The following DNAJC13 variants were observed in gnomAD, a reference collection of about 807,000 sequenced individuals.
The protein encoded by DNAJC13 is dnaJ homolog subfamily C member 13.
DNAJC13 carries 75 observed loss-of-function variants against 290.5 expected under a neutral mutation model. That is an observed-to-expected ratio of 0.26 (90% CI 0.21 to 0.31). The LOEUF (loss-of-function observed/expected upper bound fraction) is 0.31. Ranked by LOEUF, DNAJC13 falls within the 10% of genes least tolerant of loss-of-function variation. The probability of loss-of-function intolerance (pLI) is 1.00; values close to 1 mark genes in which losing one functional copy is unlikely to be tolerated. For missense variants in DNAJC13, 2,260 were observed against 2,674.5 expected, an observed-to-expected ratio of 0.85 and a Z score of 3.42; for synonymous variants, 862 against 892.0, an observed-to-expected ratio of 0.97 and a Z score of 0.60.
intron 20 of DNAJC13, among the ~76,000 whole-genome samples, chr3:132,471,266 G>A (rs1286897302): frequency 6.4e-5 from 9 of 140,044 alleles, no homozygotes; most frequent in East Asian, 2.2e-4. Flanking sequence ...CCTCCCTCCC[G>A]GATGGCACGG....
chr3:132,494,105 G>C, intron 33 of DNAJC13, 39 bp from the exon 34 acceptor site: 1 of 1,340,764 alleles, frequency 7.5e-7, no homozygotes. Context: ...CTCTGAAATA[G>C]TTTTACTTTG....
At chr3:132,443,524 C>T (rs1933142119) in intron 2 of DNAJC13, among the ~76,000 whole-genome samples, 3 of 152,172 alleles carry the variant, frequency 2.0e-5, no homozygotes, top group African/African-American at 7.2e-5. Flanking sequence ...ATATTTTCAT[C>T]TCTAAATCTG....
chr3:132,526,014 G>A, intron 52 of DNAJC13, 127 bp from the exon 53 acceptor site: 2 of 1,342,216 alleles, frequency 1.5e-6, no homozygotes, highest in Non-Finnish European at 2.0e-6. Context: ...ATTAAATTTG[G>A]TTCAATTCAT....
chr3:132,431,455 GA>G (rs1223100745), intron 1 of DNAJC13, among the ~76,000 whole-genome samples: 28 of 152,206 alleles, frequency 1.8e-4, no homozygotes, highest in African/African-American at 6.7e-4. Context: ...TTGGAAAGGT[GA>G]CATTTGAACA....
Position 132,478,084 on chromosome 3 carries a change from C to T in DNAJC13, c.2653C>T (p.His885Tyr), listed in dbSNP as rs759978583. 3.1e-6 allele frequency: 5 copies of T among 1,613,216 alleles called. No homozygotes were observed. The highest frequency in any genetic ancestry group is 2.5e-6 in the Non-Finnish European group (3 of 1,179,786). Residue 885 changes from histidine (H) to tyrosine (Y), a missense_variant, in exon 24 of 56, where the codon CAC (histidine) becomes TAC (tyrosine). Physicochemically the swap from His to Tyr is moderately conservative, Grantham distance 83 (BLOSUM62 2). Coordinates refer to ENST00000260818, the MANE Select transcript of DNAJC13 (RefSeq NM_015268.4). Reference sequence around the variant, plus strand: ...CCTTGCTATTGTTTATGGCAGATGTCACGAAGAAATAGGACCTTTTACAGA... The same window carrying T: ...CCTTGCTATTGTTTATGGCAGATGTTACGAAGAAATAGGACCTTTTACAGA... ...QALAIVYGRC[H>Y]EEIGPFTDTR...
intron 29 of DNAJC13, among the ~76,000 whole-genome samples, chr3:132,485,710 G>A (rs532983476): frequency 1.8e-4 from 27 of 152,288 alleles, no homozygotes; most frequent in African/African-American, 5.8e-4. Flanking sequence ...AACTTCTGCC[G>A]TAGATTTTGA....
chr3:132,460,183 CTT>C (rs1933742197), intron 13 of DNAJC13, 65 bp from the exon 14 acceptor site: 8 of 1,057,654 alleles, frequency 7.6e-6, no homozygotes, highest in Admixed American at 4.5e-5. Context: ...TTATAAATGA[CTT>C]TTGCGTGATG....
intron 13 of DNAJC13, chr3:132,457,965 T>A (rs1159564567): frequency 6.6e-6 from 1 of 152,204 alleles, no homozygotes; most frequent in Non-Finnish European, 1.5e-5. Flanking sequence ...TATCTTTTTG[T>A]AAGGAACACC....
intron 21 of DNAJC13, 98 bp from the exon 22 acceptor site, chr3:132,474,823 CCCCTTTTTTTT>C (rs1382358583): frequency 2.1e-5 from 3 of 140,776 alleles, no homozygotes; most frequent in African/African-American, 3.0e-5. Flanking sequence ...TTCCCCCCCC[CCCCTTTTTTTT>C]TTTTTTTTTT....
At chr3:132,448,962 G>A (rs1933338919) in intron 5 of DNAJC13, among the ~76,000 whole-genome samples, 1 of 152,066 alleles carries the variant, frequency 6.6e-6, no homozygotes, top group South Asian at 2.1e-4. Flanking sequence ...GGAAACAACT[G>A]CTTTCAAAAG....
intron 45 of DNAJC13, 27 bp from the exon 46 acceptor site, chr3:132,514,542 CTT>C (rs1304401139): frequency 2.0e-6 from 3 of 1,532,724 alleles, no homozygotes; most frequent in South Asian, 2.3e-5. Flanking sequence ...ATTTCTGAAA[CTT>C]TTACTATCCT....
intron 54 of DNAJC13, among the ~76,000 whole-genome samples, chr3:132,528,992 C>A (rs1214062268): frequency 6.6e-6 from 1 of 151,876 alleles, no homozygotes; most frequent in Non-Finnish European, 1.5e-5. Context: ...TAAAATTAAC[C>A]ATTTTATGGT....
At chr3:132,449,008 C>G (rs150029561) in intron 5 of DNAJC13, among the ~76,000 whole-genome samples, 246 of 152,180 alleles carry the variant, frequency 1.6e-3, no homozygotes, top group African/African-American at 5.6e-3. Context: ...GTCTTTTGTA[C>G]CAGTTAACTT....
At chr3:132,468,295 C>T (rs961579177) in intron 20 of DNAJC13, among the ~76,000 whole-genome samples, 2 of 152,194 alleles carry the variant, frequency 1.3e-5, no homozygotes, top group Non-Finnish European at 2.9e-5. Context: ...CTTCTCCTTA[C>T]TTATGGTAGC....
At chr3:132,514,913 C>CGG in intron 46 of DNAJC13, 1 of 133,940 alleles carries the variant, frequency 7.5e-6, no homozygotes, top group Non-Finnish European at 1.4e-5. Context: ...CTGGGATTTT[C>CGG]AGTTTGTTGA....
chr3:132,505,377 G>T lies in DNAJC13; in HGVS notation c.4960G>T (p.Glu1654Ter), dbSNP rs760561123. 1 of 1,607,630 alleles carries T rather than the reference G, an allele frequency of 6.2e-7. No individual in the cohort carries two copies. Among genetic ancestry groups the T allele is most frequent in the Non-Finnish European group, 8.5e-7 (1 of 1,175,836 alleles). ...CAATTCTACAAGAGCAGAATTACTT[G>T]AATTTCTTGAATCCCAACAAGAAAA... ...WNNSTRAELLEFLESQQENMI... is the reference protein window; with the variant it reads ...WNNSTRAELL The change falls in exon 42 of 56, where the codon GAA becomes TAA. Residue 1654 changes from glutamate to a stop codon, truncating the protein, a stop_gained. Coordinates refer to ENST00000260818, the MANE Select transcript of DNAJC13 (RefSeq NM_015268.4). LOFTEE classifies it high-confidence loss of function.
At chr3:132,463,608 C>G in intron 16 of DNAJC13, 88 bp from the exon 17 acceptor site, 1 of 1,420,500 alleles carries the variant, frequency 7.0e-7, no homozygotes, top group South Asian at 1.5e-5. Context: ...ATGTTTTTTT[C>G]ATTTAAATAT....
intron 38 of DNAJC13, 116 bp from the exon 39 acceptor site, chr3:132,500,678 A>C (rs1039784011): frequency 7.4e-7 from 1 of 1,349,428 alleles, no homozygotes; most frequent in African/African-American, 1.5e-5. Flanking sequence ...ATTTTGGAAC[A>C]TTGTATATAC....
chr3:132,482,876 A>T (rs1161000194), intron 27 of DNAJC13, among the ~76,000 whole-genome samples: 1 of 152,118 alleles, frequency 6.6e-6, no homozygotes, highest in East Asian at 1.9e-4. Context: ...AAGAAAAAAA[A>T]AAAGCTATCT....
Sources: gnomAD v4.1 joint callset for allele counts (sites outside exome capture counted in the v4.1 genomes callset) on GRCh38, gnomAD v4.1.1 for gene constraint, MANE v1.5 for transcripts, NCBI Gene and HGNC (gene_info 2026-07-23, HGNC 2026-07-21) for gene names.